PRKCE: variants seen among roughly 807,000 people sequenced by gnomAD.
The protein encoded by PRKCE is protein kinase C epsilon type.
A neutral mutation model predicts 85.4 loss-of-function variants in PRKCE; 16 were observed. The observed-to-expected ratio is 0.19, with a 90% CI of 0.13 to 0.28. The LOEUF (loss-of-function observed/expected upper bound fraction) is 0.28. PRKCE is among the 10% of genes least tolerant of loss of function. PRKCE has a pLI of 1.00. For missense variants in PRKCE, 573 were observed against 975.2 expected, an observed-to-expected ratio of 0.59 and a Z score of 5.49; for synonymous variants, 388 against 371.5, an observed-to-expected ratio of 1.04 and a Z score of -0.51.
chr2:45,677,539 G>A (rs1269436059), intron 1 of PRKCE, among the ~76,000 whole-genome samples: 1 of 152,022 alleles, frequency 6.6e-6, no homozygotes, highest in Admixed American at 6.6e-5. Context: ...TGTATTTTTA[G>A]TAGAGACGGG....
chr2:46,147,630 T>TA (rs1216635237), intron 12 of PRKCE, among the ~76,000 whole-genome samples: 11 of 152,230 alleles, frequency 7.2e-5, no homozygotes, highest in African/African-American at 2.4e-4. Flanking sequence ...GGTCTTGCTG[T>TA]AGGCAAATTA....
chr2:45,663,730 C>T (rs1314236014), intron 1 of PRKCE, among the ~76,000 whole-genome samples: 7 of 152,082 alleles, frequency 4.6e-5, no homozygotes, highest in African/African-American at 1.7e-4. Flanking sequence ...TTGCAGTGAG[C>T]CGATGTTACG....
At chr2:46,065,799 A>G (rs983781581) in intron 10 of PRKCE, among the ~76,000 whole-genome samples, 6 of 152,056 alleles carry the variant, frequency 3.9e-5, no homozygotes, top group Non-Finnish European at 5.9e-5. Context: ...GCTTTGAGCC[A>G]TGGTACTGAT....
rs1201789591 is a variant in PRKCE, at chr2:45,786,002, T to C, written c.349-56998T>C. Among the ~76,000 whole-genome samples the C allele has an allele frequency of 2.0e-5, 3 of 152,184 alleles. No individual in the cohort carries two copies. Among genetic ancestry groups the C allele is most frequent in the African/African-American group, 7.2e-5 (3 of 41,456 alleles). ...CCTTCCTAGGGTTCTGCTGCAGTCA[T>C]GCTGCCTCAGCGCTGCTGAGGGGTC... On this transcript the variant is annotated intron_variant, in intron 1 of 14. Coordinates refer to ENST00000306156, the MANE Select transcript of PRKCE (RefSeq NM_005400.3). The surrounding 1 kb of genome is among the most constrained non-coding windows in gnomAD (Gnocchi z 5.3).
chr2:45,736,949 A>T (rs527280969), intron 1 of PRKCE, among the ~76,000 whole-genome samples: 1 of 152,234 alleles, frequency 6.6e-6, no homozygotes, highest in Non-Finnish European at 1.5e-5. Context: ...AGAAAATGGG[A>T]ATGACTGGGG....
At position 45,872,596 on chromosome 2, in the gene PRKCE, G is replaced by C. The variant is rs1694178515; in HGVS notation, c.412+29533G>C. Among the ~76,000 whole-genome samples the C allele has an allele frequency of 2.0e-5, 3 of 152,318 alleles. No individual in the cohort carries two copies. The South Asian group carries it at 6.2e-4, about 32-fold the overall frequency. On this transcript the variant is annotated intron_variant, in intron 2 of 14. Transcript: ENST00000306156. ...TGATGACAGTGGCCTGAATCAGCGT[G>C]GTGGGGATAAGAAGTAGTTAGGTTT... is the stretch of plus-strand genomic sequence containing the variant.
intron 14 of PRKCE, among the ~76,000 whole-genome samples, chr2:46,179,758 C>T (rs1404897610): frequency 6.6e-6 from 1 of 152,122 alleles, no homozygotes; most frequent in African/African-American, 2.4e-5. Context: ...GGGCCTAAGC[C>T]TACCTGTTTT....
intron 2 of PRKCE, among the ~76,000 whole-genome samples, chr2:45,945,537 T>A (rs1024428263): frequency 5.3e-5 from 8 of 152,072 alleles, no homozygotes; most frequent in African/African-American, 9.7e-5. Context: ...AACATCAGAT[T>A]TGGAGAGGAC....
At chr2:45,730,026 C>T (rs13405474) in intron 1 of PRKCE, among the ~76,000 whole-genome samples, 5,581 of 152,192 alleles carry the variant, frequency 0.037, 313 homozygotes, top group African/African-American at 0.13. Flanking sequence ...TGTTTTGAGT[C>T]CGTTGGTTAA....
intron 1 of PRKCE, among the ~76,000 whole-genome samples, chr2:45,797,971 C>G (rs1687574325): frequency 6.6e-6 from 1 of 152,180 alleles, no homozygotes; most frequent in Admixed American, 6.5e-5. Context: ...CGCCAAAACC[C>G]AGGAATGTAG....
At chr2:45,932,531 G>T (rs538770835) in intron 2 of PRKCE, among the ~76,000 whole-genome samples, 1 of 152,330 alleles carries the variant, frequency 6.6e-6, no homozygotes, top group Non-Finnish European at 1.5e-5. Flanking sequence ...AACAGTCTGA[G>T]AGTTCCAGTT....
chr2:45,735,711 A>G (rs1320410011), intron 1 of PRKCE, among the ~76,000 whole-genome samples: 1 of 152,190 alleles, frequency 6.6e-6, no homozygotes, highest in Non-Finnish European at 1.5e-5. Flanking sequence ...TAGAACATGA[A>G]CATTTTGTGC....
At chr2:45,923,599 G>C (rs1698411201) in intron 2 of PRKCE, among the ~76,000 whole-genome samples, 1 of 152,230 alleles carries the variant, frequency 6.6e-6, no homozygotes, top group Non-Finnish European at 1.5e-5. Flanking sequence ...CCCTGTCTTA[G>C]GTGCTGCGGT....
chr2:45,653,370 G>GTTTTTTTTTT (rs34888247), intron 1 of PRKCE, among the ~76,000 whole-genome samples: 1,026 of 61,422 alleles, frequency 0.017, 127 homozygotes, highest in East Asian at 0.028. Flanking sequence ...TTTTTGGGTT[G>GTTTTTTTTTT]TTTTTTTTTT....
chr2:45,736,055 G>A (rs748578623), intron 1 of PRKCE, among the ~76,000 whole-genome samples: 1 of 152,030 alleles, frequency 6.6e-6, no homozygotes, highest in Non-Finnish European at 1.5e-5. Flanking sequence ...CCGCCTCCTG[G>A]GTTTAAGCAA....
At chr2:46,124,321 T>C (rs910845701) in intron 11 of PRKCE, among the ~76,000 whole-genome samples, 2 of 152,086 alleles carry the variant, frequency 1.3e-5, no homozygotes, top group Non-Finnish European at 2.9e-5. Context: ...CGAGACTGCA[T>C]CTCAAACAAA....
chr2:45,847,323 G>T (rs1039429781), intron 2 of PRKCE, among the ~76,000 whole-genome samples: 2 of 152,186 alleles, frequency 1.3e-5, no homozygotes, highest in African/African-American at 4.8e-5. Context: ...CCTCTCACCA[G>T]CCCTTGGGTA....
chr2:46,145,254 C>T lies in PRKCE; in HGVS notation c.1731+23C>T. ...GAGGTAAGACCTGTGTGCAAAGGTTCACCTCCTCCTGGTGCCAGGACCGAG... is the reference window on the plus strand; with the variant it reads ...GAGGTAAGACCTGTGTGCAAAGGTTTACCTCCTCCTGGTGCCAGGACCGAG... On this transcript the variant is annotated intron_variant, in intron 12 of 14. Coordinates refer to ENST00000306156, the MANE Select transcript of PRKCE (RefSeq NM_005400.3). This position sits in a 1 kb window ranked among gnomAD's most constrained non-coding sequence, Gnocchi z 4.6. 1.9e-6 allele frequency: 3 copies of T among 1,599,034 alleles called. No individual in the cohort carries two copies. Among genetic ancestry groups the T allele is most frequent in the South Asian group, 2.2e-5 (2 of 91,016 alleles).
intron 1 of PRKCE, among the ~76,000 whole-genome samples, chr2:45,706,700 C>A (rs1317669793): frequency 2.6e-5 from 4 of 152,196 alleles, no homozygotes; most frequent in Non-Finnish European, 5.9e-5. Flanking sequence ...TGGCCCCCCA[C>A]AATGAATTAA....
Sources: allele counts gnomAD v4.1 joint callset (sites outside exome capture counted in the v4.1 genomes callset), GRCh38; gene constraint gnomAD v4.1.1; non-coding constraint Gnocchi (gnomAD v3.1); transcripts MANE v1.5; gene names NCBI Gene and HGNC (gene_info 2026-07-23, HGNC 2026-07-21).